The following GXYLT2 variants were observed in gnomAD, a reference collection of about 807,000 sequenced individuals.
GXYLT2 encodes the protein glycosyltransferase 8 domain containing 4.
Under a neutral mutation model 45.8 loss-of-function variants are expected in GXYLT2, and 53 were observed. That is an observed-to-expected ratio of 1.16 (90% CI 0.93 to 1.46). The LOEUF is 1.46. Ranked by LOEUF, GXYLT2 falls within the 40% of genes most tolerant of loss-of-function variation. The pLI, the probability that GXYLT2 is intolerant of heterozygous loss-of-function variation, is 0.00. For missense variants in GXYLT2, 551 were observed against 544.4 expected (o/e 1.01, Z -0.12); for synonymous variants, 219 against 214.2 (o/e 1.02, Z -0.19).
chr3:72,965,949 T>C (rs1181952895), intron 5 of GXYLT2, among the ~76,000 whole-genome samples: 2 of 152,148 alleles, frequency 1.3e-5, no homozygotes, highest in African/African-American at 4.8e-5. Context: ...TTGGGGTTTT[T>C]CTCTTTCCTG....
In GXYLT2 at chr3:72,893,504, T is replaced by C. The variant is rs75443234; in HGVS notation, c.275+4996T>C. ...AGTCTTTTGTTTTTCACAGCACTCA[T>C]TGTGTGAATATTGTATGTTATTTGC... On this transcript the variant is annotated intron_variant, in intron 1 of 6. Coordinates refer to ENST00000389617, the MANE Select transcript of GXYLT2 (RefSeq NM_001080393.2). Among the ~76,000 whole-genome samples the C allele has an allele frequency of 9.8e-3, 1,495 of 152,260 alleles. 28 individuals are homozygous for C. Among genetic ancestry groups the C allele is most frequent in the African/African-American group, 0.035 (1,436 of 41,542 alleles).
chr3:72,923,332 C>A (rs1337816001), intron 3 of GXYLT2, among the ~76,000 whole-genome samples: 1 of 152,054 alleles, frequency 6.6e-6, no homozygotes, highest in African/African-American at 2.4e-5. Flanking sequence ...GGAGGATCAT[C>A]TGAGCTCAAG....
chr3:72,915,363 G>A (rs1276676245), intron 2 of GXYLT2, among the ~76,000 whole-genome samples: 1 of 134,824 alleles, frequency 7.4e-6, no homozygotes, highest in East Asian at 2.3e-4. Context: ...TTGCGGGGGG[G>A]GGGGGGATTT....
chr3:72,962,929 A>G (rs1258649058), intron 5 of GXYLT2, among the ~76,000 whole-genome samples: 1 of 148,768 alleles, frequency 6.7e-6, no homozygotes, highest in Non-Finnish European at 1.5e-5. Context: ...GAATGCTAGG[A>G]AATCTCAGTT....
At chr3:72,970,234 C>T (rs1710961180) in intron 6 of GXYLT2, among the ~76,000 whole-genome samples, 1 of 151,578 alleles carries the variant, frequency 6.6e-6, no homozygotes, top group Non-Finnish European at 1.5e-5. Context: ...GCCTATAATC[C>T]CAGCTATTAG....
Position 72,940,642 on chromosome 3 carries a change from A to G in GXYLT2, c.601-14456A>G, listed in dbSNP as rs61451739. Among the ~76,000 whole-genome samples the G allele has an allele frequency of 5.0e-3, 762 of 152,324 alleles. 3 individuals are homozygous for G. The highest frequency in any genetic ancestry group is 0.017 in the African/African-American group (717 of 41,572). On this transcript the variant is annotated intron_variant, in intron 3 of 6. Coordinates refer to ENST00000389617, the MANE Select transcript of GXYLT2 (RefSeq NM_001080393.2). Reference sequence around the variant, plus strand: ...TTGTATGTTTTTACAACACACATGCATGAATTTGTGTATTGTGGAATTCAG... The same window carrying G: ...TTGTATGTTTTTACAACACACATGCGTGAATTTGTGTATTGTGGAATTCAG...
chr3:72,957,469 T>C (rs1710671350), intron 5 of GXYLT2, 117 bp downstream of exon 5: 3 of 1,055,684 alleles, frequency 2.8e-6, no homozygotes, highest in Non-Finnish European at 4.0e-6. Flanking sequence ...GAGGAGCCTG[T>C]GTTCCCCAGC....
intron 1 of GXYLT2, among the ~76,000 whole-genome samples, chr3:72,903,070 A>C (rs749369267): frequency 4.6e-5 from 7 of 152,182 alleles, no homozygotes; most frequent in Non-Finnish European, 8.8e-5. Context: ...AAAAGCATCA[A>C]GCTGAGACTT....
chr3:72,950,410 G>T (rs1425410245), intron 3 of GXYLT2, among the ~76,000 whole-genome samples: 1 of 152,086 alleles, frequency 6.6e-6, no homozygotes, highest in African/African-American at 2.4e-5. Context: ...GCAGTGAGCC[G>T]AGATCACGCC....
chr3:72,950,178 C>G (rs28406747), intron 3 of GXYLT2, among the ~76,000 whole-genome samples: 1 of 151,868 alleles, frequency 6.6e-6, no homozygotes, highest in Non-Finnish European at 1.5e-5. Flanking sequence ...AAAAAATTAG[C>G]AGCTGGGCAC....
chr3:72,930,326 A>C (rs1293694241), intron 3 of GXYLT2, among the ~76,000 whole-genome samples: 2 of 150,402 alleles, frequency 1.3e-5, no homozygotes, highest in East Asian at 2.0e-4. Context: ...ACATGGTGAA[A>C]CCTCATCTCT....
At chr3:72,922,561 T>C (rs949957535) in intron 3 of GXYLT2, among the ~76,000 whole-genome samples, 3 of 152,224 alleles carry the variant, frequency 2.0e-5, no homozygotes, top group Non-Finnish European at 2.9e-5. Context: ...TCTTGGATCA[T>C]TGGTCTTTGT....
intron 1 of GXYLT2, among the ~76,000 whole-genome samples, chr3:72,902,135 A>C (rs114439737): frequency 3.9e-4 from 60 of 152,286 alleles, no homozygotes; most frequent in African/African-American, 1.4e-3. Flanking sequence ...TAATGCTGCT[A>C]TTTGAACATT....
chr3:72,913,857 CGTG>C (rs1709681358), intron 2 of GXYLT2, among the ~76,000 whole-genome samples: 1 of 152,092 alleles, frequency 6.6e-6, no homozygotes, highest in Non-Finnish European at 1.5e-5. Context: ...TCATCTGTGT[CGTG>C]GGGCAAATGA....
At chr3:72,945,074 G>T (rs1322297474) in intron 3 of GXYLT2, among the ~76,000 whole-genome samples, 1 of 148,506 alleles carries the variant, frequency 6.7e-6, no homozygotes, top group African/African-American at 2.5e-5. Flanking sequence ...AATTATAGTG[G>T]TTATCCATCC....
intron 3 of GXYLT2, among the ~76,000 whole-genome samples, chr3:72,951,236 C>A (rs1170515370): frequency 6.6e-6 from 1 of 151,584 alleles, no homozygotes; most frequent in Non-Finnish European, 1.5e-5. Flanking sequence ...AGTAAAAAGT[C>A]CTTATGTACT....
At chr3:72,948,556 G>C (rs552029239) in intron 3 of GXYLT2, among the ~76,000 whole-genome samples, 1 of 152,054 alleles carries the variant, frequency 6.6e-6, no homozygotes, top group Non-Finnish European at 1.5e-5. Flanking sequence ...TAAAAATCCC[G>C]GGCCAGGCGC....
chr3:72,905,799 C>T (rs949025294), intron 1 of GXYLT2, among the ~76,000 whole-genome samples: 11 of 152,196 alleles, frequency 7.2e-5, no homozygotes, highest in African/African-American at 2.4e-4. Context: ...CAATATGGTG[C>T]AGCTTCTATT....
intron 3 of GXYLT2, among the ~76,000 whole-genome samples, chr3:72,938,147 C>T (rs979987350): frequency 6.6e-6 from 1 of 152,020 alleles, no homozygotes; most frequent in Non-Finnish European, 1.5e-5. Flanking sequence ...ATCTTCTGCA[C>T]CTACAGAAAT....
Sources: allele counts gnomAD v4.1 joint callset (sites outside exome capture counted in the v4.1 genomes callset), GRCh38; gene constraint gnomAD v4.1.1; transcripts MANE v1.5; gene names NCBI Gene and HGNC (gene_info 2026-07-23, HGNC 2026-07-21).